HADH: variants seen among roughly 807,000 people sequenced by gnomAD.
The protein encoded by HADH is hydroxyacyl-CoA dehydrogenase.
Under a neutral mutation model 32.2 loss-of-function variants are expected in HADH, and 24 were observed. The observed-to-expected ratio is 0.75, with a 90% CI of 0.54 to 1.05. HADH has a LOEUF of 1.05. Ranked by LOEUF, HADH falls within the 50% of genes least tolerant of loss-of-function variation. HADH has a pLI of 0.00. For missense variants in HADH, 350 were observed against 397.1 expected (o/e 0.88, Z 1.01); for synonymous variants, 139 against 152.5 (o/e 0.91, Z 0.65).
rs555873573 is a variant in HADH at position 108,032,406 on chromosome 4, T to A, written c.710-770T>A. 24 of 1,491,556 alleles carry A rather than the reference T, an allele frequency of 1.6e-5. No homozygotes were observed. The East Asian group carries it at 5.0e-4, about 31-fold the overall frequency. 92.4% of individuals were successfully genotyped at this position (1,491,556 alleles called of 1,614,324 possible). A position where few individuals can be genotyped will look rare whatever the true frequency, so the allele number is the denominator to read the frequency against. On this transcript the variant is annotated intron_variant, in intron 6 of 7. Coordinates refer to ENST00000309522, the MANE Select transcript of HADH (RefSeq NM_005327.7). ...TCTTGACTAAAAGGTTTGTGTGAAA[T>A]GTGATGCCAGGGGAATACTCCTTAC...
rs2342288 is a variant in HADH at position 107,990,914 on chromosome 4, A to G, written c.132+850A>G. Among the ~76,000 whole-genome samples the G allele has an allele frequency of 1.1e-4, 16 of 151,806 alleles. No homozygotes were observed. In the East Asian group the frequency reaches 1.7e-3, roughly 17 times the overall value. On this transcript the variant is annotated intron_variant, in intron 1 of 7. Transcript: ENST00000309522. ...ACAGGCGCCCCGCCCGGCTAATTTT[A>G]TATTTTTAGTAGAGACAGGGTTTCA... is the stretch of plus-strand genomic sequence containing the variant.
At chr4:108,022,402 C>T (rs1346437315) in intron 4 of HADH, among the ~76,000 whole-genome samples, 1 of 152,112 alleles carries the variant, frequency 6.6e-6, no homozygotes, top group Non-Finnish European at 1.5e-5. Context: ...AGTAGGGCAG[C>T]CCTTGTGCCC....
chr4:108,017,434 T>A (rs1042996801), intron 3 of HADH, among the ~76,000 whole-genome samples: 22 of 152,210 alleles, frequency 1.4e-4, no homozygotes, highest in Non-Finnish European at 3.2e-4. Context: ...ATCACTGTGC[T>A]TGTGTTGTCG....
At chr4:108,017,305 G>C (rs550490298) in intron 3 of HADH, among the ~76,000 whole-genome samples, 1 of 152,264 alleles carries the variant, frequency 6.6e-6, no homozygotes, top group East Asian at 1.9e-4. Context: ...CAGACGCACA[G>C]GCAGCCAGAT....
At chr4:108,027,107 C>T (rs1264413109) in intron 5 of HADH, 2 of 175,624 alleles carry the variant, frequency 1.1e-5, no homozygotes, top group East Asian at 1.4e-4. Context: ...TGCGCTGGAA[C>T]CTGAGAAGTT....
rs531678211 is a variant in HADH, at chr4:108,023,181, A to G, written c.547-293A>G. Reference sequence around the variant, plus strand: ...ACTAATTTTTGTATTTTTAGTAGAGATAGGGTTTCACCATGTTAGCCAGGA... The same window carrying G: ...ACTAATTTTTGTATTTTTAGTAGAGGTAGGGTTTCACCATGTTAGCCAGGA... On this transcript the variant is annotated intron_variant, in intron 4 of 7. Coordinates refer to ENST00000309522, the MANE Select transcript of HADH (RefSeq NM_005327.7). 7.8e-4 allele frequency among the ~76,000 whole-genome samples: 119 copies of G among 152,158 alleles called. 1 individual carries two copies. In the Middle Eastern group the frequency reaches 0.01, roughly 13 times the overall value.
At chr4:108,018,838 G>A (rs752712499) in intron 3 of HADH, among the ~76,000 whole-genome samples, 1 of 152,086 alleles carries the variant, frequency 6.6e-6, no homozygotes, top group Non-Finnish European at 1.5e-5. Context: ...CTTTTGGCAC[G>A]CCACTTTACT....
intron 5 of HADH, chr4:108,025,753 A>C (rs1736045847): frequency 6.6e-6 from 1 of 151,958 alleles, no homozygotes; most frequent in Non-Finnish European, 1.5e-5. Flanking sequence ...GGTGGTGTGC[A>C]CCTGTGGTCC....
At chr4:108,032,378 G>C in intron 6 of HADH, 1 of 1,591,790 alleles carries the variant, frequency 6.3e-7, no homozygotes, top group Non-Finnish European at 8.6e-7. Context: ...TCTTTAAAAG[G>C]TATCTTGACT....
At chr4:108,015,819 T>C (rs556765290) in intron 3 of HADH, among the ~76,000 whole-genome samples, 21 of 152,234 alleles carry the variant, frequency 1.4e-4, no homozygotes, top group African/African-American at 4.8e-4. Flanking sequence ...CACACTGGCA[T>C]CTAGAGGCTG....
chr4:108,013,425 G>A (rs2126228730), intron 2 of HADH, among the ~76,000 whole-genome samples: 1 of 152,166 alleles, frequency 6.6e-6, no homozygotes, highest in East Asian at 1.9e-4. Context: ...CTGAGTTTCT[G>A]AGCCACACCC....
At chr4:108,020,536 A>C (rs894825648) in intron 4 of HADH, among the ~76,000 whole-genome samples, 112 of 152,264 alleles carry the variant, frequency 7.4e-4, no homozygotes, top group African/African-American at 2.5e-3. Context: ...TCCTGACCAT[A>C]AACCTGGAAG....
Position 108,034,493 on chromosome 4 carries a change from T to C in HADH, c.*136T>C. 2 of 737,076 alleles carry C rather than the reference T, an allele frequency of 2.7e-6. No individual in the cohort carries two copies. The highest frequency in any genetic ancestry group is 5.1e-6 in the Non-Finnish European group (2 of 394,492). 45.7% of individuals were successfully genotyped at this position (737,076 alleles called of 1,614,324 possible). On this transcript the variant is annotated 3_prime_UTR_variant, in exon 8 of 8. Coordinates refer to ENST00000309522, the MANE Select transcript of HADH (RefSeq NM_005327.7). ...TAATAAATGTGCATTTTGATTGTAA[T>C]CTATCGAAGTGATTATTACACCAGT...
In HADH at chr4:107,989,900, G is replaced by T; in HGVS notation, c.-33G>T. ...CCCGCCTCGCGCGTCTTCCCTGCCC[G>T]GGTCTCCTCGCTGTCGCCGCCGCTG... On this transcript the variant is annotated 5_prime_UTR_variant, in exon 1 of 8. Coordinates refer to ENST00000309522, the MANE Select transcript of HADH (RefSeq NM_005327.7). 6.2e-7 allele frequency: 1 copy of T among 1,607,138 alleles called. No homozygotes were observed.
chr4:108,012,348 A>G (rs1735526104), intron 2 of HADH, among the ~76,000 whole-genome samples: 1 of 152,232 alleles, frequency 6.6e-6, no homozygotes, highest in Admixed American at 6.5e-5. Flanking sequence ...GGTGCTGTAA[A>G]GAAATAGCAC....
intron 4 of HADH, among the ~76,000 whole-genome samples, chr4:108,020,786 TGTG>T (rs2126232862): frequency 6.6e-6 from 1 of 152,308 alleles, no homozygotes; most frequent in Non-Finnish European, 1.5e-5. Flanking sequence ...ATGTGGGTGA[TGTG>T]GGGCCAGGCA....
intron 4 of HADH, among the ~76,000 whole-genome samples, chr4:108,022,193 G>GTA (rs1290589063): frequency 2.2e-5 from 3 of 137,126 alleles, no homozygotes; most frequent in African/African-American, 8.9e-5. Flanking sequence ...GTGTGTATGT[G>GTA]TGTGTGTATG....
Position 108,009,899 on chromosome 4 carries a change from T to C in HADH, c.261+12T>C, listed in dbSNP as rs1027227467. On this transcript the variant is annotated intron_variant, in intron 2 of 7. Coordinates refer to ENST00000309522, the MANE Select transcript of HADH (RefSeq NM_005327.7). The stretch of plus-strand genomic sequence containing the variant: ...CAGAAAACCTTAAGGTAATTTCTTA[T>C]TATCGATGTCTTCAAGACAAGTCCT... 7 of 1,589,076 alleles carry C rather than the reference T, an allele frequency of 4.4e-6. No homozygotes were observed. The highest frequency in any genetic ancestry group is 1.7e-4 in the Middle Eastern group (1 of 6,050).
chr4:108,005,498 G>A lies in HADH; in HGVS notation c.133-4261G>A, dbSNP rs1560726096. 2.6e-5 allele frequency among the ~76,000 whole-genome samples: 4 copies of A among 152,232 alleles called. No homozygotes were observed. In the South Asian group the frequency reaches 8.3e-4, roughly 31 times the overall value. On this transcript the variant is annotated intron_variant, in intron 1 of 7. Transcript: ENST00000309522. ...TCAGTACAGTATTTATGTTGTAAAT[G>A]TGTGTGTTGCCCGGATTCATTCTTT...
Sources: allele counts gnomAD v4.1 joint callset (sites outside exome capture counted in the v4.1 genomes callset), GRCh38; gene constraint gnomAD v4.1.1; transcripts MANE v1.5; gene names NCBI Gene and HGNC (gene_info 2026-07-23, HGNC 2026-07-21).